SEMA6D: variants seen among roughly 807,000 people sequenced by gnomAD.
SEMA6D encodes semaphorin 6D, also known as semaphorin-6D.
In SEMA6D, 35 loss-of-function variants were observed where a neutral mutation model predicts 106.6. The observed-to-expected ratio is 0.33, with a 90% CI of 0.25 to 0.44. The LOEUF (loss-of-function observed/expected upper bound fraction) is 0.44, where lower values mean the gene tolerates loss of function less well. Among genes scored for constraint, SEMA6D ranks in the 20% least tolerant of loss-of-function variants. The probability of loss-of-function intolerance (pLI) is 1.00; values close to 1 mark genes in which losing one functional copy is unlikely to be tolerated. For synonymous variants in SEMA6D, 499 were observed against 487.7 expected (o/e 1.02, Z -0.31); for missense variants, 1,185 against 1,345.9 (o/e 0.88, Z 1.87).
chr15:47,645,203 T>C (rs759624499), intron 4 of SEMA6D, among the ~76,000 whole-genome samples: 7 of 152,176 alleles, frequency 4.6e-5, no homozygotes, highest in Non-Finnish European at 5.9e-5. Context: ...ATGTGATGCT[T>C]TAGTCCCTTA....
chr15:47,317,122 G>C (rs2036714713), intron 1 of SEMA6D, among the ~76,000 whole-genome samples: 1 of 152,010 alleles, frequency 6.6e-6, no homozygotes, highest in African/African-American at 2.4e-5. Context: ...ATTTTTTCTT[G>C]TGCAAGTTTT....
chr15:47,556,035 T>A (rs931780401), intron 3 of SEMA6D, among the ~76,000 whole-genome samples: 10 of 152,132 alleles, frequency 6.6e-5, no homozygotes, highest in Admixed American at 4.6e-4. Context: ...TTTGTGACAG[T>A]GAGAATAAAG....
At chr15:47,235,676 A>G (rs537470925) in intron 1 of SEMA6D, among the ~76,000 whole-genome samples, 2 of 152,216 alleles carry the variant, frequency 1.3e-5, no homozygotes, top group African/African-American at 2.4e-5. Flanking sequence ...CCATTGATCT[A>G]TGTATCCACC....
intron 3 of SEMA6D, among the ~76,000 whole-genome samples, chr15:47,544,702 A>C (rs1235979630): frequency 1.3e-5 from 2 of 151,832 alleles, no homozygotes; most frequent in African/African-American, 4.8e-5. Context: ...TAGAGAGAAA[A>C]AGAAGAATGG....
At chr15:47,308,766 C>T (rs1332812842) in intron 1 of SEMA6D, among the ~76,000 whole-genome samples, 24 of 152,150 alleles carry the variant, frequency 1.6e-4, no homozygotes, top group Non-Finnish European at 4.4e-5. Context: ...AAGGAGGGTT[C>T]ATGGGAGAAA....
At chr15:47,384,827 T>G (rs1375240861) in intron 1 of SEMA6D, among the ~76,000 whole-genome samples, 4 of 143,926 alleles carry the variant, frequency 2.8e-5, no homozygotes, top group African/African-American at 7.8e-5. Context: ...TTTTTTTTTT[T>G]TTTTTTTTTT....
intron 1 of SEMA6D, among the ~76,000 whole-genome samples, chr15:47,378,064 G>A (rs2039510686): frequency 6.6e-6 from 1 of 152,146 alleles, no homozygotes; most frequent in Admixed American, 6.5e-5. Context: ...AGCTTGATTG[G>A]TAACAGAAAT....
In SEMA6D at chr15:47,771,961, A is replaced by C. The variant is rs1273154481; in HGVS notation, c.*176A>C. On this transcript the variant is annotated 3_prime_UTR_variant, in exon 19 of 19. Coordinates refer to ENST00000536845, the MANE Select transcript of SEMA6D (RefSeq NM_001358351.3). The stretch of plus-strand genomic sequence containing the variant: ...CTTGCCACATGTAGCTACTGCAGCA[A>C]GGCTTCTGTGTACTTGCCTGAAAAC... 6.3e-6 allele frequency: 4 copies of C among 633,422 alleles called. No homozygotes were observed. The highest frequency in any genetic ancestry group is 1.1e-5 in the Non-Finnish European group (4 of 368,186). 39.2% of individuals were successfully genotyped at this position (633,422 alleles called of 1,614,324 possible).
At chr15:47,572,242 A>G (rs546951307) in intron 3 of SEMA6D, among the ~76,000 whole-genome samples, 1 of 152,344 alleles carries the variant, frequency 6.6e-6, no homozygotes, top group East Asian at 1.9e-4. Flanking sequence ...CTCTGATCAA[A>G]TGTATATCAA....
chr15:47,642,870 T>C (rs2077513764), intron 4 of SEMA6D, among the ~76,000 whole-genome samples: 1 of 151,932 alleles, frequency 6.6e-6, no homozygotes, highest in Admixed American at 6.6e-5. Context: ...CAGCTAGATA[T>C]ATTGAGAGAG....
chr15:47,324,628 C>T (rs1229602652), intron 1 of SEMA6D, among the ~76,000 whole-genome samples: 2 of 150,980 alleles, frequency 1.3e-5, no homozygotes, highest in Non-Finnish European at 3.0e-5. Flanking sequence ...AAAAGATATA[C>T]ACATATATAT....
At chr15:47,742,810 C>T (rs1017396565) in intron 1 of SEMA6D, among the ~76,000 whole-genome samples, 1 of 152,172 alleles carries the variant, frequency 6.6e-6, no homozygotes, top group Non-Finnish European at 1.5e-5. Context: ...GTCCCTGTAT[C>T]CTTCATACAA....
In SEMA6D at chr15:47,236,185, T is replaced by G. The variant is rs2032526683; in HGVS notation, c.-239+51767T>G. Among the ~76,000 whole-genome samples the G allele has an allele frequency of 2.0e-5, 3 of 152,164 alleles. No homozygotes were observed. In the South Asian group the frequency reaches 6.2e-4, roughly 32 times the overall value. On this transcript the variant is annotated intron_variant, in intron 1 of 19. Transcript: ENST00000558014. ...TTTTGGCCAGATTTTTAAATTATTT[T>G]CAGGGAGAATCATGTTCTTAGAGTC...
chr15:47,352,350 C>A (rs1375162401), intron 1 of SEMA6D, among the ~76,000 whole-genome samples: 1 of 152,122 alleles, frequency 6.6e-6, no homozygotes, highest in East Asian at 1.9e-4. Flanking sequence ...GATAAGATGT[C>A]TTATCTAGAG....
intron 1 of SEMA6D, among the ~76,000 whole-genome samples, chr15:47,200,208 T>C (rs1894632272): frequency 6.6e-6 from 1 of 152,112 alleles, no homozygotes; most frequent in Non-Finnish European, 1.5e-5. Flanking sequence ...ATCACAAGAC[T>C]CCAGTTTTGA....
intron 4 of SEMA6D, among the ~76,000 whole-genome samples, chr15:47,643,351 A>T (rs76037008): frequency 6.6e-6 from 1 of 152,000 alleles, no homozygotes; most frequent in Non-Finnish European, 1.5e-5. Flanking sequence ...CACAGTGTAG[A>T]CTCTCAGTGT....
rs768595343 is a variant in SEMA6D, at chr15:47,765,990, C to T, written c.1549C>T (p.Arg517Cys). The change falls in exon 14 of 19, where the codon CGT becomes TGT. Residue 517 changes from arginine (R) to cysteine (C), a missense_variant. By Grantham distance (180) the Arg-to-Cys change is radical (BLOSUM62 -3). Transcript: ENST00000536845. Reference protein sequence around the residue: ...IIRIPLSRCERYGSCKKSCIA... With the variant: ...IIRIPLSRCECYGSCKKSCIA... ...CCGCATCCCCCTCAGTCGCTGTGAG[C>T]GTTATGGATCATGTAAAAAGTAAGC... 4 of 1,597,576 alleles carry T rather than the reference C, an allele frequency of 2.5e-6. No individual in the cohort carries two copies. The highest frequency in any genetic ancestry group is 3.4e-6 in the Non-Finnish European group (4 of 1,171,280).
chr15:47,642,443 C>T (rs1208257946), intron 4 of SEMA6D, among the ~76,000 whole-genome samples: 1 of 151,458 alleles, frequency 6.6e-6, no homozygotes, highest in Non-Finnish European at 1.5e-5. Flanking sequence ...AACAGATGCA[C>T]ACACACACAC....
intron 15 of SEMA6D, 74 bp from the exon 16 acceptor site, chr15:47,766,542 G>A: frequency 7.2e-7 from 1 of 1,385,872 alleles, no homozygotes; most frequent in South Asian, 1.2e-5. Flanking sequence ...TGTGTTCTTG[G>A]TTCTGCTCTG....
Sources: gnomAD v4.1 joint callset for allele counts (sites outside exome capture counted in the v4.1 genomes callset) on GRCh38, gnomAD v4.1.1 for gene constraint, MANE v1.5 for transcripts, NCBI Gene and HGNC (gene_info 2026-07-23, HGNC 2026-07-21) for gene names.